Variants in CCDC180 observed in about 807,000 individuals in gnomAD.
CCDC180 encodes coiled-coil domain-containing protein 180.
In CCDC180, 154 loss-of-function variants were observed where a neutral mutation model predicts 209.2. The observed-to-expected ratio is 0.74, with a 90% CI of 0.65 to 0.84. The LOEUF (loss-of-function observed/expected upper bound fraction) is 0.84. Ranked by LOEUF, CCDC180 falls within the 40% of genes least tolerant of loss-of-function variation. The pLI is 0.00. For synonymous variants in CCDC180, 778 were observed against 749.1 expected (o/e 1.04, Z -0.63); for missense variants, 1,874 against 1,997.3 (o/e 0.94, Z 1.18).
At chr9:97,358,029 T>A (rs549323486) in intron 25 of CCDC180, 1 of 256,480 alleles carries the variant, frequency 3.9e-6, no homozygotes, top group East Asian at 7.8e-5. Flanking sequence ...CAGGTGTCCC[T>A]TGCTGTAAGG....
Position 97,376,679 on chromosome 9 carries a change from T to A in CCDC180, c.4843-84T>A, listed in dbSNP as rs532108836. On this transcript the variant is annotated intron_variant, in intron 36 of 36. Transcript: ENST00000529487. ...TGCCTGGAATGGGTTAAAAACCACC[T>A]GCCAGCAAGTTACAGCATTGCCCTA... The A allele has an allele frequency of 6.2e-4, 911 of 1,475,786 alleles. 1 individual carries two copies. Among genetic ancestry groups the A allele is most frequent in the Non-Finnish European group, 8.0e-4 (880 of 1,097,498 alleles). 91.4% of individuals were successfully genotyped at this position (1,475,786 alleles called of 1,614,324 possible).
In CCDC180 at chr9:97,370,056, C is replaced by T. The variant is rs373880004; in HGVS notation, c.4324C>T (p.Gln1442Ter). The T allele has an allele frequency of 1.4e-5, 23 of 1,614,102 alleles. No homozygotes were observed. The highest frequency in any genetic ancestry group is 1.9e-5 in the Non-Finnish European group (23 of 1,179,996). The change falls in exon 32 of 37, where the codon CAG (glutamine) becomes TAG (stop). Residue 1442 changes from glutamine (Q) to a stop codon, truncating the protein, a stop_gained. Transcript: ENST00000529487. LOFTEE classifies it high-confidence loss of function. ...VKEIRGQFEEQQKRLEKRKDK... is the reference protein window; with the variant it reads ...VKEIRGQFEE ...GGAGATCCGAGGACAGTTCGAGGAA[C>T]AGCAGAAGCGGCTGGAGAAAAGAAA...
intron 25 of CCDC180, among the ~76,000 whole-genome samples, chr9:97,358,606 G>C (rs1268124347): frequency 1.3e-5 from 2 of 152,288 alleles, no homozygotes; most frequent in African/African-American, 4.8e-5. Flanking sequence ...CTGTCCCCCA[G>C]TGAATGACAG....
Position 97,334,369 on chromosome 9 carries a change from C to G in CCDC180, c.2274+3602C>G, listed in dbSNP as rs1334967969. ...GGATTACATGATTTAATCTGCATGA[C>G]TAATCTGTAAGGTTGATACTACATT... On this transcript the variant is annotated intron_variant, in intron 18 of 36. Transcript: ENST00000529487. Among the ~76,000 whole-genome samples the G allele has an allele frequency of 2.6e-5, 4 of 152,210 alleles. No individual in the cohort carries two copies. The East Asian group carries it at 5.8e-4, about 22-fold the overall frequency.
chr9:97,308,565 G>A (rs1292598073), intron 2 of CCDC180, among the ~76,000 whole-genome samples: 1 of 152,186 alleles, frequency 6.6e-6, no homozygotes. Context: ...CTCCCCACTT[G>A]TTGACCTAGG....
chr9:97,330,069 A>AAG, intron 16 of CCDC180, 85 bp from the exon 17 acceptor site: 1 of 443,220 alleles, frequency 2.3e-6, no homozygotes. Flanking sequence ...CTCCTCTCAA[A>AAG]AAAAAAAAAA....
In CCDC180 at chr9:97,327,942, C is replaced by T. The variant is rs771743204; in HGVS notation, c.1662-78C>T. The T allele has an allele frequency of 7.9e-5, 119 of 1,503,822 alleles. No individual in the cohort carries two copies. The East Asian group carries it at 2.6e-3, about 32-fold the overall frequency. 93.2% of individuals were successfully genotyped at this position (1,503,822 alleles called of 1,614,324 possible). On this transcript the variant is annotated intron_variant, in intron 15 of 36. Transcript: ENST00000529487. ...AGCAGCTCTACACAGAGTTGTGTGC[C>T]AGATTGCAGCCCATCTCCTTGGGGT...
upstream of CCDC180, chr9:97,307,633 A>G (rs1427107454): frequency 1.8e-6 from 2 of 1,087,274 alleles, no homozygotes; most frequent in Non-Finnish European, 2.8e-6. Flanking sequence ...GCGCCGCATT[A>G]GAGTTCCAGT....
chr9:97,324,987 T>C lies in CCDC180; in HGVS notation c.1372-32T>C, dbSNP rs772235840. 1.1e-5 allele frequency: 18 copies of C among 1,601,378 alleles called. No homozygotes were observed. In the African/African-American group the frequency reaches 1.3e-4, roughly 12 times the overall value. The stretch of plus-strand genomic sequence containing the variant: ...TTCTTGGCCCTGGGACTGTCAGCCC[T>C]TAAGTCCCTTCTCTGGGCTCTGCCA... On this transcript the variant is annotated intron_variant, in intron 13 of 36. Transcript: ENST00000529487.
At position 97,309,561 on chromosome 9, in the gene CCDC180, A is replaced by G. The variant is rs143592372; in HGVS notation, c.217A>G (p.Ser73Gly). ...MSPRQQKWMH[S>G]LPNDWIMENP... The stretch of plus-strand genomic sequence containing the variant: ...TCCCCGACAGCAGAAGTGGATGCAC[A>G]GCCTCCCCAACGACTGGATCATGGA... Residue 73 changes from serine (S) to glycine (G), a missense_variant, in exon 3 of 37, where the codon AGC becomes GGC. By Grantham distance (56) the Ser-to-Gly change is moderately conservative. Coordinates refer to ENST00000529487, the MANE Select transcript of CCDC180 (RefSeq NM_020893.6). The G allele has an allele frequency of 1.3e-4, 207 of 1,592,166 alleles. No homozygotes were observed. In the African/African-American group the frequency reaches 2.4e-3, roughly 18 times the overall value.
At chr9:97,362,606 G>C (rs1053731753) in intron 28 of CCDC180, among the ~76,000 whole-genome samples, 165 bp downstream of exon 28, 7 of 152,034 alleles carry the variant, frequency 4.6e-5, no homozygotes, top group African/African-American at 1.7e-4. Flanking sequence ...TCCTTAGTTT[G>C]CTGGTTGTCC....
chr9:97,308,810 A>G (rs763745232), intron 2 of CCDC180, among the ~76,000 whole-genome samples: 13 of 152,244 alleles, frequency 8.5e-5, no homozygotes, highest in Non-Finnish European at 1.3e-4. Context: ...TAAAGAAGCC[A>G]AAACAACAAT....
intron 36 of CCDC180, 197 bp downstream of exon 36, chr9:97,375,786 T>A: frequency 1.5e-6 from 1 of 650,652 alleles, no homozygotes; most frequent in Non-Finnish European, 2.6e-6. Context: ...AATGTGGGTC[T>A]GAGGCGTGAT....
intron 25 of CCDC180, among the ~76,000 whole-genome samples, chr9:97,359,254 C>T (rs10981784): frequency 0.21 from 32,165 of 152,174 alleles, 3,657 homozygotes; most frequent in East Asian, 0.39. Flanking sequence ...AGAACAGAAA[C>T]GTCCAGTCTC....
Position 97,330,685 on chromosome 9 carries a change from A to AGG in CCDC180, c.2192_2193insGG (p.Glu733ArgfsTer35). On this transcript the variant is annotated frameshift_variant, in exon 18 of 37. Transcript: ENST00000529487. LOFTEE classifies it high-confidence loss of function. ...TCAGAGGAGGAAGATGAGAAGGAGG[A>AGG]AGAGGAGGAGGAGGAGAAGCTGGAG... is the stretch of plus-strand genomic sequence containing the variant. The AGG allele has an allele frequency of 6.4e-7, 1 of 1,572,994 alleles. No individual in the cohort carries two copies. Among genetic ancestry groups the AGG allele is most frequent in the East Asian group, 2.3e-5 (1 of 43,496 alleles).
intron 30 of CCDC180, among the ~76,000 whole-genome samples, 161 bp downstream of exon 30, chr9:97,365,900 C>T (rs1263202119): frequency 1.3e-5 from 2 of 152,204 alleles, no homozygotes; most frequent in Non-Finnish European, 2.9e-5. Flanking sequence ...GAGTTTTTTT[C>T]TTTGAGAAAC....
chr9:97,331,119 C>T (rs998761432), intron 18 of CCDC180, among the ~76,000 whole-genome samples: 1 of 152,110 alleles, frequency 6.6e-6, no homozygotes, highest in African/African-American at 2.4e-5. Flanking sequence ...TGCTGTTCGC[C>T]TCCTAGTATC....
intron 35 of CCDC180, 123 bp downstream of exon 35, chr9:97,374,771 G>A (rs927772661): frequency 1.4e-6 from 1 of 714,724 alleles, no homozygotes; most frequent in African/African-American, 1.8e-5. Context: ...TGTGTTCTGA[G>A]CCTTAGTTTC....
At chr9:97,346,935 T>C (rs1019016266) in intron 19 of CCDC180, among the ~76,000 whole-genome samples, 3 of 152,152 alleles carry the variant, frequency 2.0e-5, no homozygotes, top group Non-Finnish European at 4.4e-5. Context: ...AACAAAATTG[T>C]CAAATTTAGA....
Sources: allele counts gnomAD v4.1 joint callset (sites outside exome capture counted in the v4.1 genomes callset), GRCh38; gene constraint gnomAD v4.1.1; transcripts MANE v1.5; gene names NCBI Gene and HGNC (gene_info 2026-07-23, HGNC 2026-07-21).